Variants in RAP1A observed in about 807,000 individuals in gnomAD.
RAP1A encodes ras-related protein Rap-1A.
A neutral mutation model predicts 26.4 loss-of-function variants in RAP1A; 6 were observed. That is an observed-to-expected ratio of 0.23 (90% confidence interval 0.12 to 0.45). The LOEUF (loss-of-function observed/expected upper bound fraction) is 0.45. RAP1A is among the 20% of genes least tolerant of loss of function. RAP1A has a pLI of 0.99. For missense variants in RAP1A, 121 were observed against 217.2 expected (o/e 0.56, Z 2.78); for synonymous variants, 73 against 79.4 (o/e 0.92, Z 0.43).
chr1:111,580,928 C>T (rs745457144), intron 1 of RAP1A, among the ~76,000 whole-genome samples: 36 of 150,814 alleles, frequency 2.4e-4, no homozygotes, highest in African/African-American at 8.5e-4. Flanking sequence ...AGAGGCAGAG[C>T]AAAGGAGATA....
At chr1:111,650,795 GTTTC>G (rs1019875180) in intron 1 of RAP1A, among the ~76,000 whole-genome samples, 3 of 151,766 alleles carry the variant, frequency 2.0e-5, no homozygotes, top group Non-Finnish European at 4.4e-5. Context: ...CCACCTTATA[GTTTC>G]TTTCTTTTTT....
chr1:111,709,907 A>C (rs1214876676), intron 7 of RAP1A, among the ~76,000 whole-genome samples: 1 of 152,180 alleles, frequency 6.6e-6, no homozygotes, highest in Non-Finnish European at 1.5e-5. Context: ...TGTTCATTTA[A>C]GTTCTTTCTT....
intron 1 of RAP1A, chr1:111,648,942 A>G (rs1660169197): frequency 2.9e-6 from 2 of 693,898 alleles, no homozygotes; most frequent in Admixed American, 3.6e-5. Context: ...GTTCTTCTTC[A>G]TGAAGAACAG....
chr1:111,685,819 G>A (rs193024658), intron 1 of RAP1A, among the ~76,000 whole-genome samples: 550 of 152,264 alleles, frequency 3.6e-3, no homozygotes, highest in Middle Eastern at 0.01. Context: ...AAAGACACAT[G>A]CACACATATG....
At chr1:111,548,933 A>G (rs1657141321) in intron 1 of RAP1A, among the ~76,000 whole-genome samples, 1 of 152,186 alleles carries the variant, frequency 6.6e-6, no homozygotes, top group Non-Finnish European at 1.5e-5. Context: ...CTCAATCTAG[A>G]TCTTGTTCAG....
intron 1 of RAP1A, among the ~76,000 whole-genome samples, chr1:111,554,051 A>C (rs1571462143): frequency 3.9e-5 from 6 of 152,262 alleles, no homozygotes. Context: ...GTGCATATGC[A>C]CTAAAGCCAG....
At chr1:111,678,265 C>T (rs1661187199) in intron 1 of RAP1A, among the ~76,000 whole-genome samples, 1 of 152,192 alleles carries the variant, frequency 6.6e-6, no homozygotes, top group Non-Finnish European at 1.5e-5. Flanking sequence ...TGGCATAGCT[C>T]TCTATTAAGT....
chr1:111,543,640 AG>A (rs1656928350), intron 1 of RAP1A, among the ~76,000 whole-genome samples: 2 of 149,628 alleles, frequency 1.3e-5, no homozygotes, highest in Admixed American at 1.3e-4. Context: ...GAGGAGGAAG[AG>A]AAGGAGGAAT....
At chr1:111,691,223 A>G (rs1032281560) in intron 1 of RAP1A, 111 bp from the exon 2 acceptor site, 80 of 571,130 alleles carry the variant, frequency 1.4e-4, no homozygotes, top group African/African-American at 1.2e-3. Context: ...TGTCCCTTTG[A>G]TAGTCTTACA....
chr1:111,590,327 G>A (rs1366302030), intron 1 of RAP1A, among the ~76,000 whole-genome samples: 1 of 152,108 alleles, frequency 6.6e-6, no homozygotes, highest in Non-Finnish European at 1.5e-5. Context: ...AGTGATGGTG[G>A]ACATTCTTGT....
chr1:111,570,516 T>A (rs914664265), intron 1 of RAP1A, among the ~76,000 whole-genome samples: 1 of 152,146 alleles, frequency 6.6e-6, no homozygotes, highest in Non-Finnish European at 1.5e-5. Flanking sequence ...TCCACACTGA[T>A]TCTTCAATTC....
At chr1:111,711,134 G>A (rs1022620254) in intron 7 of RAP1A, among the ~76,000 whole-genome samples, 1 of 152,172 alleles carries the variant, frequency 6.6e-6, no homozygotes, top group African/African-American at 2.4e-5. Flanking sequence ...ACCGCGCCTG[G>A]CCTTGATTCT....
At chr1:111,623,932 A>G (rs1280917748) in intron 1 of RAP1A, among the ~76,000 whole-genome samples, 1 of 152,212 alleles carries the variant, frequency 6.6e-6, no homozygotes, top group Non-Finnish European at 1.5e-5. Flanking sequence ...GACATGTGAT[A>G]GGGACACCGT....
chr1:111,632,650 T>A (rs932585960), intron 1 of RAP1A, among the ~76,000 whole-genome samples: 1 of 152,072 alleles, frequency 6.6e-6, no homozygotes, highest in Non-Finnish European at 1.5e-5. Flanking sequence ...TGGTGGCTCA[T>A]GCCTGTAATC....
chr1:111,556,629 C>T (rs1309950701), intron 1 of RAP1A, among the ~76,000 whole-genome samples: 2 of 152,124 alleles, frequency 1.3e-5, no homozygotes. Flanking sequence ...GGACATTATG[C>T]TAAGTGAAAT....
rs148735141 is a variant in RAP1A at position 111,646,918 on chromosome 1, A to C, written c.-28+26984A>C. 3.2e-3 allele frequency among the ~76,000 whole-genome samples: 487 copies of C among 152,316 alleles called. 4 individuals are homozygous for C. Among genetic ancestry groups the C allele is most frequent in the African/African-American group, 0.011 (475 of 41,562 alleles). On this transcript the variant is annotated intron_variant, in intron 1 of 7. Transcript: ENST00000369709. The stretch of plus-strand genomic sequence containing the variant: ...GGCTTTTTCCAAGTTTTTGTTACCC[A>C]AGATAACATTAGTCAAACTAGCACT...
chr1:111,543,499 A>G (rs1656922378), intron 1 of RAP1A, among the ~76,000 whole-genome samples: 1 of 152,206 alleles, frequency 6.6e-6, no homozygotes, highest in South Asian at 2.1e-4. Context: ...CCCAATGGAG[A>G]GTATTCACCA....
intron 1 of RAP1A, among the ~76,000 whole-genome samples, chr1:111,575,424 G>A (rs922190332): frequency 1.3e-5 from 2 of 152,144 alleles, no homozygotes; most frequent in Non-Finnish European, 2.9e-5. Context: ...AAGTGCTGGG[G>A]TTACAGGTGT....
intron 1 of RAP1A, among the ~76,000 whole-genome samples, chr1:111,673,764 G>C (rs1661044722): frequency 6.6e-6 from 1 of 152,190 alleles, no homozygotes; most frequent in South Asian, 2.1e-4. Context: ...GCAGTAATGA[G>C]TTAGAACTAA....
Sources: gnomAD v4.1 joint callset for allele counts (sites outside exome capture counted in the v4.1 genomes callset) on GRCh38, gnomAD v4.1.1 for gene constraint, MANE v1.5 for transcripts, NCBI Gene and HGNC (gene_info 2026-07-23, HGNC 2026-07-21) for gene names.